PGC: variants seen among roughly 807,000 people sequenced by gnomAD.
The protein encoded by PGC is gastricsin.
A neutral mutation model predicts 45.9 loss-of-function variants in PGC; 31 were observed. That is an observed-to-expected ratio of 0.67 (90% confidence interval 0.51 to 0.91). The LOEUF is 0.91. Ranked by LOEUF, PGC falls within the 40% of genes least tolerant of loss-of-function variation. The probability of loss-of-function intolerance (pLI) is 0.00; values close to 1 mark genes in which losing one functional copy is unlikely to be tolerated. For synonymous variants in PGC, 192 were observed against 201.8 expected (o/e 0.95, Z 0.41); for missense variants, 477 against 493.2 (o/e 0.97, Z 0.31).
intron 7 of PGC, 61 bp downstream of exon 7, chr6:41,739,738 G>A: frequency 6.6e-7 from 1 of 1,521,422 alleles, no homozygotes; most frequent in Non-Finnish European, 8.9e-7. Context: ...GTTCCCAGGA[G>A]AAATCATGAA....
intron 1 of PGC, 80 bp downstream of exon 1, chr6:41,747,196 T>A: frequency 8.6e-7 from 1 of 1,166,086 alleles, no homozygotes; most frequent in Non-Finnish European, 1.3e-6. Context: ...AGGCAGGGTG[T>A]CCCCTGGCCC....
intron 1 of PGC, among the ~76,000 whole-genome samples, chr6:41,745,928 C>A (rs1377083402): frequency 6.6e-6 from 1 of 151,264 alleles, no homozygotes; most frequent in Non-Finnish European, 1.5e-5. Flanking sequence ...TTTGGGAGGC[C>A]GAGGCGGGTG....
chr6:41,737,667 G>T, intron 8 of PGC, 63 bp downstream of exon 8: 3 of 962,196 alleles, frequency 3.1e-6, no homozygotes, highest in Middle Eastern at 2.3e-4. Flanking sequence ...AGCATTTCTG[G>T]CTCCCCAGCC....
At chr6:41,741,187 G>A (rs564046642) in intron 5 of PGC, 8 of 1,531,146 alleles carry the variant, frequency 5.2e-6, no homozygotes. Context: ...TGTTCCAGAG[G>A]CTTCTCTGGT....
chr6:41,744,272 TC>T lies in PGC; in HGVS notation c.328+124del. The T allele has an allele frequency of 1.6e-6, 1 of 641,860 alleles. No homozygotes were observed. Among genetic ancestry groups the T allele is most frequent in the South Asian group, 2.2e-5 (1 of 44,982 alleles). 39.8% of individuals were successfully genotyped at this position (641,860 alleles called of 1,614,324 possible). Reference sequence around the variant, plus strand: ...GGCATGCTGTGTGGCCCTGCACATGTCCCTGGTCCTCCCCAGGACTGAGCTC... The same window carrying T: ...GGCATGCTGTGTGGCCCTGCACATGTCCTGGTCCTCCCCAGGACTGAGCTC... On this transcript the variant is annotated intron_variant, in intron 3 of 8. Transcript: ENST00000373025. The surrounding 1 kb of genome is among the most constrained non-coding windows in gnomAD (Gnocchi z 4.4).
At chr6:41,737,140 C>A in intron 8 of PGC, 136 bp from the exon 9 acceptor site, 1 of 784,870 alleles carries the variant, frequency 1.3e-6, no homozygotes, top group South Asian at 1.8e-5. Context: ...GCTCATAGGC[C>A]AACTGAGCCA....
At chr6:41,741,083 C>G (rs1461613429) in intron 5 of PGC, 2 of 1,537,116 alleles carry the variant, frequency 1.3e-6, no homozygotes, top group African/African-American at 2.7e-5. Context: ...GTAGACATGT[C>G]ACCGGGATCC....
At position 41,744,199 on chromosome 6, in the gene PGC, G is replaced by T. The variant is rs1326247808; in HGVS notation, c.328+198C>A. Among the ~76,000 whole-genome samples, 4 of 152,172 alleles carry T rather than the reference G, an allele frequency of 2.6e-5. No individual in the cohort carries two copies. Among genetic ancestry groups the T allele is most frequent in the Admixed American group, 1.3e-4 (2 of 15,286 alleles). Reference sequence around the variant, plus strand: ...CAAAGGGATACATATTGGCAGGGAAGGCAAAGGGGCCATCCAGCTGCAGGA... The same window carrying T: ...CAAAGGGATACATATTGGCAGGGAATGCAAAGGGGCCATCCAGCTGCAGGA... On this transcript the variant is annotated intron_variant, in intron 3 of 8. Transcript: ENST00000373025. The surrounding 1 kb of genome is among the most constrained non-coding windows in gnomAD (Gnocchi z 4.4).
chr6:41,740,763 C>T (rs1253603501), intron 5 of PGC, 153 bp from the exon 6 acceptor site: 44 of 1,446,296 alleles, frequency 3.0e-5, no homozygotes, highest in Non-Finnish European at 3.7e-5. Flanking sequence ...GACTGGGGCT[C>T]CCTGAGGACA....
At chr6:41,742,818 GT>G (rs1182405119) in intron 4 of PGC, among the ~76,000 whole-genome samples, 1 of 152,204 alleles carries the variant, frequency 6.6e-6, no homozygotes, top group Non-Finnish European at 1.5e-5. Flanking sequence ...TAGAGACAGG[GT>G]TTCACCATGT....
At position 41,747,326 on chromosome 6, in the gene PGC, C is replaced by A; in HGVS notation, c.9G>T (p.Trp3Cys). Residue 3 changes from tryptophan (W) to cysteine (C), a missense_variant, in exon 1 of 9, where the codon TGG becomes TGT. Trp to Cys is a radical substitution (Grantham distance 215). Coordinates refer to ENST00000373025, the MANE Select transcript of PGC (RefSeq NM_002630.4). MK[W>C]MVVVLVCLQL... ...GGAGGCAGACCAAGACCACCACCAT[C>A]CACTTCATGATGCTGGTCCCCAACT... 6.2e-7 allele frequency: 1 copy of A among 1,614,014 alleles called. No homozygotes were observed. The highest frequency in any genetic ancestry group is 8.5e-7 in the Non-Finnish European group (1 of 1,179,882).
In PGC at chr6:41,738,182, ATATATATG is replaced by A. The variant is rs1771737911; in HGVS notation, c.916-362_916-355del. Among the ~76,000 whole-genome samples the A allele has an allele frequency of 1.6e-4, 4 of 25,270 alleles. No individual in the cohort carries two copies. In the South Asian group the frequency reaches 6.3e-3, roughly 40 times the overall value. The allele number at this position is 25,270 out of a possible 152,430, so 16.6% of individuals were successfully genotyped here. On this transcript the variant is annotated intron_variant, in intron 7 of 8. Transcript: ENST00000373025. ...CATATATATGCATATATATATACAT[ATATATATG>A]CATATATATATGCATATATATATGC...
At chr6:41,738,123 CATATATATGCATATATATATGCAT>C (rs1291360969) in intron 7 of PGC, among the ~76,000 whole-genome samples, 2 of 67,900 alleles carry the variant, frequency 2.9e-5, no homozygotes, top group South Asian at 1.0e-3. Context: ...TGCCTATATA[CATATATATGCATATATATATGCAT>C]ATATATATAC....
intron 5 of PGC, chr6:41,740,902 T>C (rs1421903004): frequency 6.9e-7 from 1 of 1,447,964 alleles, no homozygotes; most frequent in African/African-American, 1.4e-5. Flanking sequence ...TCCCTTAGAT[T>C]GGGGCTCCCT....
At chr6:41,738,239 T>TATATATGCATATATATATGC (rs1771751019) in intron 7 of PGC, among the ~76,000 whole-genome samples, 2 of 49,886 alleles carry the variant, frequency 4.0e-5, no homozygotes, top group Admixed American at 2.2e-4. Flanking sequence ...TATATATATG[T>TATATATGCATATATATATGC]ATATATATAT....
chr6:41,740,050 G>C, intron 6 of PGC, 104 bp from the exon 7 acceptor site: 5 of 923,098 alleles, frequency 5.4e-6, no homozygotes, highest in Non-Finnish European at 8.3e-6. Context: ...CTACTTTCTT[G>C]AGGAAAGTGA....
intron 7 of PGC, among the ~76,000 whole-genome samples, chr6:41,738,570 G>A (rs1163672236): frequency 6.6e-6 from 1 of 151,924 alleles, no homozygotes; most frequent in South Asian, 2.1e-4. Flanking sequence ...GGAGCTTGCA[G>A]TGAGCTGAGA....
At position 41,743,520 on chromosome 6, in the gene PGC, T is replaced by C. The variant is rs1301131003; in HGVS notation, c.329-131A>G. 5.8e-6 allele frequency: 4 copies of C among 692,624 alleles called. No homozygotes were observed. The East Asian group carries it at 1.0e-4, about 17-fold the overall frequency. The allele number at this position is 692,624 out of a possible 1,614,324, so 42.9% of individuals were successfully genotyped here. A position where few individuals can be genotyped will look rare whatever the true frequency, so the allele number is the denominator to read the frequency against. On this transcript the variant is annotated intron_variant, in intron 3 of 8. Coordinates refer to ENST00000373025, the MANE Select transcript of PGC (RefSeq NM_002630.4). Reference sequence around the variant, plus strand: ...CATCCTGGGACCTCAGCACCCCTGGTTGCCAAGTCAAGGGGTGGCATTGGA... The same window carrying C: ...CATCCTGGGACCTCAGCACCCCTGGCTGCCAAGTCAAGGGGTGGCATTGGA...
In PGC at chr6:41,744,623, A is replaced by G; in HGVS notation, c.210+35T>C. ...GCCCCTTCCCTCCAGCCCACACCAG[A>G]GAGAAGGCTACCGCCAGAAAGGGTC... On this transcript the variant is annotated intron_variant, in intron 2 of 8. Coordinates refer to ENST00000373025, the MANE Select transcript of PGC (RefSeq NM_002630.4). This position sits in a 1 kb window ranked among gnomAD's most constrained non-coding sequence, Gnocchi z 4.4. 6.2e-7 allele frequency: 1 copy of G among 1,611,748 alleles called. No homozygotes were observed.
Sources: gnomAD v4.1 joint callset for allele counts (sites outside exome capture counted in the v4.1 genomes callset) on GRCh38, gnomAD v4.1.1 for gene constraint, Gnocchi (gnomAD v3.1) non-coding constraint, MANE v1.5 for transcripts, NCBI Gene and HGNC (gene_info 2026-07-23, HGNC 2026-07-21) for gene names.